The following KIF11 variants were observed in gnomAD, a reference collection of about 807,000 sequenced individuals.
KIF11 encodes kinesin-like protein KIF11.
KIF11 carries 9 observed loss-of-function variants against 121.0 expected under a neutral mutation model. The ratio of observed to expected loss-of-function variants is 0.07; its 90% CI spans 0.04 to 0.13. The LOEUF (loss-of-function observed/expected upper bound fraction) is 0.13. Ranked by LOEUF, KIF11 falls within the 10% of genes least tolerant of loss-of-function variation. KIF11 has a pLI of 1.00. For missense variants in KIF11, 846 were observed against 1,217.5 expected (o/e 0.69, Z 4.54); for synonymous variants, 408 against 421.0 (o/e 0.97, Z 0.38).
intron 1 of KIF11, among the ~76,000 whole-genome samples, chr10:92,603,999 T>C (rs1451299189): frequency 4.6e-5 from 7 of 152,174 alleles, no homozygotes; most frequent in Non-Finnish European, 1.0e-4. Context: ...TGGAATGAGT[T>C]AATTTAGCAC....
chr10:92,653,995 C>A lies in KIF11; in HGVS notation c.*199C>A. On this transcript the variant is annotated 3_prime_UTR_variant, in exon 22 of 22. Coordinates refer to ENST00000260731, the MANE Select transcript of KIF11 (RefSeq NM_004523.4). Reference sequence around the variant, plus strand: ...GCCCAGGAGTTTGAGACCAGCCTGGCCAACGTGGCAAAACCTCGTCTCTGT... The same window carrying A: ...GCCCAGGAGTTTGAGACCAGCCTGGACAACGTGGCAAAACCTCGTCTCTGT... The A allele has an allele frequency of 2.6e-6, 1 of 388,160 alleles. No homozygotes were observed. Among genetic ancestry groups the A allele is most frequent in the South Asian group, 3.6e-5 (1 of 28,086 alleles). 24.0% of individuals were successfully genotyped at this position (388,160 alleles called of 1,614,324 possible).
Position 92,593,406 on chromosome 10 carries a change from A to G in KIF11, c.31A>G (p.Lys11Glu). The change falls in exon 1 of 22, where the codon AAG (lysine) becomes GAG (glutamate). Residue 11 changes from lysine (K) to glutamate (E), a missense_variant. Coordinates refer to ENST00000260731, the MANE Select transcript of KIF11 (RefSeq NM_004523.4). ...GTCGCAGCCAAATTCGTCTGCGAAG[A>G]AGAAAGAGGAGAAGGGGAAGAACAT... MASQPNSSAK[K>E]KEEKGKNIQV... 6.2e-7 allele frequency: 1 copy of G among 1,611,392 alleles called. No homozygotes were observed. The highest frequency in any genetic ancestry group is 8.5e-7 in the Non-Finnish European group (1 of 1,179,070).
At chr10:92,652,340 A>G (rs993136641) in intron 21 of KIF11, among the ~76,000 whole-genome samples, 1 of 151,950 alleles carries the variant, frequency 6.6e-6, no homozygotes, top group Non-Finnish European at 1.5e-5. Flanking sequence ...GGGTTTCTCC[A>G]TGTTGGTCAG....
chr10:92,624,495 T>G (rs1404562316), intron 10 of KIF11, among the ~76,000 whole-genome samples: 1 of 152,008 alleles, frequency 6.6e-6, no homozygotes, highest in Non-Finnish European at 1.5e-5. Context: ...CACCTTGGTA[T>G]CCTGGCGTAC....
chr10:92,651,031 C>T (rs1206869329), intron 21 of KIF11, among the ~76,000 whole-genome samples: 1 of 151,916 alleles, frequency 6.6e-6, no homozygotes, highest in East Asian at 1.9e-4. Context: ...TGTGACCTCT[C>T]CTACCCACTC....
intron 16 of KIF11, among the ~76,000 whole-genome samples, chr10:92,637,963 T>C (rs1844824699): frequency 1.3e-5 from 2 of 152,214 alleles, no homozygotes; most frequent in Non-Finnish European, 2.9e-5. Flanking sequence ...GTCTCACTGA[T>C]AGACATTTAA....
At chr10:92,601,007 A>G (rs1401502689) in intron 1 of KIF11, among the ~76,000 whole-genome samples, 1 of 149,612 alleles carries the variant, frequency 6.7e-6, no homozygotes, top group East Asian at 2.0e-4. Flanking sequence ...TTACATGCAC[A>G]TGCCACCACG....
rs1005491191 is a variant in KIF11 at position 92,653,862 on chromosome 10, C to G, written c.*66C>G. The G allele has an allele frequency of 1.4e-5, 20 of 1,406,982 alleles. No homozygotes were observed. Among genetic ancestry groups the G allele is most frequent in the Admixed American group, 4.1e-5 (2 of 49,288 alleles). 87.2% of individuals were successfully genotyped at this position (1,406,982 alleles called of 1,614,324 possible). ...AAAAATAAAACCTGAAACCCCAGAA[C>G]TTGAGCCTTGTGTATAGATTTTAAA... On this transcript the variant is annotated 3_prime_UTR_variant, in exon 22 of 22. Transcript: ENST00000260731.
Position 92,654,762 on chromosome 10 carries a change from A to AT in KIF11, c.*966_*967insT, listed in dbSNP as rs1845027119. On this transcript the variant is annotated 3_prime_UTR_variant, in exon 22 of 22. Transcript: ENST00000260731. ...AAATGTGAAAGCATTTCATTCCTTT[A>AT]AGAGGCCTAACTCATTCACCCTGAC... 6.6e-6 allele frequency: 1 copy of AT among 152,262 alleles called. No individual in the cohort carries two copies. Among genetic ancestry groups the AT allele is most frequent in the Non-Finnish European group, 1.5e-5 (1 of 68,018 alleles). 9.4% of individuals were successfully genotyped at this position (152,262 alleles called of 1,614,324 possible).
chr10:92,643,664 C>G (rs187752972), intron 17 of KIF11, among the ~76,000 whole-genome samples: 1 of 149,212 alleles, frequency 6.7e-6, no homozygotes, highest in East Asian at 2.0e-4. Flanking sequence ...TCAAGCAATT[C>G]TCCTGCCTCA....
chr10:92,610,191 A>G (rs1357750388), intron 6 of KIF11, among the ~76,000 whole-genome samples: 2 of 152,098 alleles, frequency 1.3e-5, no homozygotes, highest in African/African-American at 4.8e-5. Context: ...ACTTTTGTGG[A>G]GCCCCCTACT....
chr10:92,653,611 T>C lies in KIF11; in HGVS notation c.3040-54T>C. 2.6e-6 allele frequency: 4 copies of C among 1,514,366 alleles called. No homozygotes were observed. The South Asian group carries it at 3.6e-5, about 14-fold the overall frequency. The allele number at this position is 1,514,366 out of a possible 1,614,324, so 93.8% of individuals were successfully genotyped here. On this transcript the variant is annotated intron_variant, in intron 21 of 21. Transcript: ENST00000260731. ...AACTTTGAAAATAGAGTGTAGTTAATGTGTATCTAATGTTACTTTGTATTG... is the reference window on the plus strand; with the variant it reads ...AACTTTGAAAATAGAGTGTAGTTAACGTGTATCTAATGTTACTTTGTATTG...
At chr10:92,630,698 C>T (rs1332033223) in intron 12 of KIF11, among the ~76,000 whole-genome samples, 1 of 149,604 alleles carries the variant, frequency 6.7e-6, no homozygotes, top group Non-Finnish European at 1.5e-5. Flanking sequence ...AGAAACCTGT[C>T]TCTACTAAAA....
At position 92,654,950 on chromosome 10, in the gene KIF11, A is replaced by G. The variant is rs1315674567; in HGVS notation, c.*1154A>G. 5 of 152,600 alleles carry G rather than the reference A, an allele frequency of 3.3e-5. No homozygotes were observed. Among genetic ancestry groups the G allele is most frequent in the African/African-American group, 4.8e-5 (2 of 41,446 alleles). The allele number at this position is 152,600 out of a possible 1,614,324, so 9.5% of individuals were successfully genotyped here. On this transcript the variant is annotated 3_prime_UTR_variant, in exon 22 of 22. Coordinates refer to ENST00000260731, the MANE Select transcript of KIF11 (RefSeq NM_004523.4). ...AAACTTCCAATTATGTCTATAATTT[A>G]TATTCTTTTGTTTACATGATGAAAC... is the stretch of plus-strand genomic sequence containing the variant.
At chr10:92,621,768 A>T (rs551620506) in intron 10 of KIF11, among the ~76,000 whole-genome samples, 59 of 152,170 alleles carry the variant, frequency 3.9e-4, no homozygotes, top group African/African-American at 1.3e-3. Flanking sequence ...CACCCTGCTA[A>T]TTTTTGCATT....
Position 92,630,205 on chromosome 10 carries a change from T to A in KIF11, c.1335T>A (p.Asn445Lys). 1.3e-6 allele frequency: 2 copies of A among 1,579,574 alleles called. No homozygotes were observed. Among genetic ancestry groups the A allele is most frequent in the Non-Finnish European group, 1.7e-6 (2 of 1,166,996 alleles). Residue 445 changes from asparagine to lysine, a missense_variant, in exon 12 of 22, where the codon AAT becomes AAA. Asn to Lys is a moderately conservative substitution (Grantham distance 94, BLOSUM62 0). Around this residue, in one of 5 missense-constraint regions of KIF11, gnomAD observed 95 missense variants for 109.3 expected, o/e 0.87. Coordinates refer to ENST00000260731, the MANE Select transcript of KIF11 (RefSeq NM_004523.4). ...CAGAGTTGTTTATGGATAATAAAAA[T>A]GAACTTGACCAGTGTAAATCTGACC... ...RVTELFMDNK[N>K]ELDQCKSDLQ...
chr10:92,644,372 A>G (rs1844897933), intron 17 of KIF11, among the ~76,000 whole-genome samples: 2 of 151,988 alleles, frequency 1.3e-5, no homozygotes, highest in Non-Finnish European at 2.9e-5. Flanking sequence ...CTGGAGTACA[A>G]TGACACAATC....
intron 6 of KIF11, among the ~76,000 whole-genome samples, chr10:92,612,531 A>C (rs146063900): frequency 1.3e-5 from 2 of 152,260 alleles, no homozygotes; most frequent in East Asian, 3.9e-4. Flanking sequence ...GCTGTTTACT[A>C]TTTCTGCTGT....
chr10:92,598,130 T>C (rs1844321885), intron 1 of KIF11, among the ~76,000 whole-genome samples: 1 of 152,238 alleles, frequency 6.6e-6, no homozygotes, highest in South Asian at 2.1e-4. Flanking sequence ...TTTTTGTTTT[T>C]GTTCCCTGTA....
Sources: gnomAD v4.1 joint callset for allele counts (sites outside exome capture counted in the v4.1 genomes callset) on GRCh38, gnomAD v4.1.1 for gene constraint, gnomAD v4.1.1 regional missense constraint, MANE v1.5 for transcripts, NCBI Gene and HGNC (gene_info 2026-07-23, HGNC 2026-07-21) for gene names.